ROBO2: variants seen among roughly 807,000 people sequenced by gnomAD.
ROBO2 encodes the protein roundabout homolog 2.
In ROBO2, 53 loss-of-function variants were observed where a neutral mutation model predicts 160.8. The observed-to-expected ratio is 0.33, with a 90% CI of 0.26 to 0.41. The LOEUF (loss-of-function observed/expected upper bound fraction) is 0.41. ROBO2 is among the 10% of genes least tolerant of loss of function. The pLI, the probability that ROBO2 is intolerant of heterozygous loss-of-function variation, is 1.00. For synonymous variants in ROBO2, 664 were observed against 611.7 expected (o/e 1.09, Z -1.26); for missense variants, 1,577 against 1,722.4 (o/e 0.92, Z 1.49).
intron 2 of ROBO2, among the ~76,000 whole-genome samples, chr3:77,412,952 C>T (rs1044052956): frequency 6.6e-6 from 1 of 152,188 alleles, no homozygotes; most frequent in Non-Finnish European, 1.5e-5. Context: ...CACAGTGGCT[C>T]ATGCCTGTAA....
At chr3:77,481,608 A>G (rs1302190140) in intron 4 of ROBO2, among the ~76,000 whole-genome samples, 1 of 151,924 alleles carries the variant, frequency 6.6e-6, no homozygotes, top group Non-Finnish European at 1.5e-5. Context: ...GTATAGTATA[A>G]AAAAACTTGT....
intron 2 of ROBO2, among the ~76,000 whole-genome samples, chr3:77,219,487 C>CTATATATA (rs1314368807): frequency 1.4e-5 from 1 of 73,122 alleles, no homozygotes; most frequent in African/African-American, 5.2e-5. Context: ...TATATATAAT[C>CTATATATA]TGTATATATA....
intron 2 of ROBO2, among the ~76,000 whole-genome samples, chr3:76,544,571 T>C (rs1425570229): frequency 6.6e-6 from 1 of 152,048 alleles, no homozygotes; most frequent in African/African-American, 2.4e-5. Context: ...ATTATGACTT[T>C]ATGTAGTTTT....
chr3:75,912,513 G>A (rs1188172158), intron 1 of ROBO2, among the ~76,000 whole-genome samples: 1 of 152,142 alleles, frequency 6.6e-6, no homozygotes, highest in Non-Finnish European at 1.5e-5. Context: ...CTCACTGCTG[G>A]TGGTATTCTT....
Position 77,377,880 on chromosome 3 carries a change from G to A in ROBO2, c.389-99534G>A, listed in dbSNP as rs148343835. 9.9e-5 allele frequency among the ~76,000 whole-genome samples: 15 copies of A among 152,238 alleles called. No homozygotes were observed. In the East Asian group the frequency reaches 1.5e-3, roughly 16 times the overall value. On this transcript the variant is annotated intron_variant, in intron 2 of 25. Transcript: ENST00000461745. ...AATGGTATTAGTTCTTCAGCCTGGC[G>A]GCCAAACAGAGCAGTTCAGAACTAA...
intron 2 of ROBO2, among the ~76,000 whole-genome samples, chr3:76,137,360 A>G (rs1190035153): frequency 6.6e-6 from 1 of 152,032 alleles, no homozygotes; most frequent in East Asian, 1.9e-4. Flanking sequence ...GTCCAATCCT[A>G]GAAAACGTAC....
chr3:76,782,700 T>G (rs888381237), intron 2 of ROBO2, among the ~76,000 whole-genome samples: 4 of 150,816 alleles, frequency 2.7e-5, no homozygotes, highest in Non-Finnish European at 6.0e-5. Flanking sequence ...TAACCAACTC[T>G]GCTCTGTTTT....
At chr3:76,332,524 A>T (rs1382235483) in intron 2 of ROBO2, among the ~76,000 whole-genome samples, 1 of 152,166 alleles carries the variant, frequency 6.6e-6, no homozygotes, top group African/African-American at 2.4e-5. Flanking sequence ...CATATTTTCC[A>T]TTTAGTCCCT....
intron 2 of ROBO2, among the ~76,000 whole-genome samples, chr3:76,097,236 G>A (rs1479079536): frequency 1.3e-5 from 2 of 152,162 alleles, no homozygotes; most frequent in African/African-American, 4.8e-5. Context: ...GTTGTTAAAA[G>A]AAATCCTAGC....
At chr3:76,297,155 G>T (rs569295854) in intron 2 of ROBO2, among the ~76,000 whole-genome samples, 1 of 152,224 alleles carries the variant, frequency 6.6e-6, no homozygotes, top group African/African-American at 2.4e-5. Context: ...TCAACTACAA[G>T]AATCCATGTT....
chr3:77,364,361 T>C (rs1045811912), intron 2 of ROBO2, among the ~76,000 whole-genome samples: 2 of 152,118 alleles, frequency 1.3e-5, no homozygotes, highest in African/African-American at 4.8e-5. Context: ...AGGGCAGAGT[T>C]TGATGAGGCT....
chr3:76,500,403 G>T (rs6784027), intron 2 of ROBO2, among the ~76,000 whole-genome samples: 5,510 of 152,200 alleles, frequency 0.036, 353 homozygotes, highest in African/African-American at 0.13. Flanking sequence ...GTGAGCCACC[G>T]CACCTGGCAA....
In ROBO2 at chr3:77,179,421, T is replaced by TG. The variant is rs2080480671; in HGVS notation, c.388+81082dup. ...CATTTTTTCATATAGCTCATGAATG[T>TG]GCATGAATACATACATATGCACTTA... On this transcript the variant is annotated intron_variant, in intron 2 of 25. Coordinates refer to ENST00000461745, the Ensembl canonical transcript of ROBO2. Among the ~76,000 whole-genome samples, 2 of 151,984 alleles carry TG rather than the reference T, an allele frequency of 1.3e-5. 1 individual carries two copies. The highest frequency in any genetic ancestry group is 4.1e-4 in the South Asian group (2 of 4,826).
At chr3:77,276,705 G>A (rs1049338667) in intron 2 of ROBO2, among the ~76,000 whole-genome samples, 4 of 152,158 alleles carry the variant, frequency 2.6e-5, no homozygotes, top group Non-Finnish European at 5.9e-5. Flanking sequence ...TGGGCAACTG[G>A]AGTCTGTTCT....
intron 24 of ROBO2, among the ~76,000 whole-genome samples, chr3:77,639,820 T>A (rs1669187): frequency 0.042 from 6,395 of 152,170 alleles, 337 homozygotes; most frequent in East Asian, 0.19. Flanking sequence ...GTATATTTTT[T>A]AAAAAGTCAT....
intron 2 of ROBO2, among the ~76,000 whole-genome samples, chr3:76,179,799 A>G (rs1701415533): frequency 6.6e-6 from 1 of 152,086 alleles, no homozygotes; most frequent in Non-Finnish European, 1.5e-5. Context: ...CCTATATTAT[A>G]CTTACACACT....
At chr3:77,482,821 A>G (rs575265864) in intron 4 of ROBO2, among the ~76,000 whole-genome samples, 8 of 152,088 alleles carry the variant, frequency 5.3e-5, no homozygotes, top group Non-Finnish European at 1.2e-4. Flanking sequence ...AGAAACACTC[A>G]TTGCTATTTT....
At chr3:76,056,169 CTG>C (rs1221106802) in intron 2 of ROBO2, among the ~76,000 whole-genome samples, 12 of 152,262 alleles carry the variant, frequency 7.9e-5, no homozygotes, top group Admixed American at 2.0e-4. Context: ...TATAACAACT[CTG>C]TAGATAATTT....
intron 5 of ROBO2, among the ~76,000 whole-genome samples, chr3:77,496,961 A>G (rs899520326): frequency 1.1e-4 from 16 of 152,236 alleles, no homozygotes; most frequent in African/African-American, 3.6e-4. Flanking sequence ...TGAAATTACA[A>G]CAGACTCTTA....
Sources: gnomAD v4.1 joint callset for allele counts (sites outside exome capture counted in the v4.1 genomes callset) on GRCh38, gnomAD v4.1.1 for gene constraint, MANE v1.5 for transcripts, NCBI Gene and HGNC (gene_info 2026-07-23, HGNC 2026-07-21) for gene names.